Variants in CSMD1 observed in about 807,000 individuals in gnomAD.
CSMD1 encodes CUB and sushi domain-containing protein 1.
A neutral mutation model predicts 417.5 loss-of-function variants in CSMD1; 213 were observed. That is an observed-to-expected ratio of 0.51 (90% CI 0.46 to 0.57). The LOEUF (loss-of-function observed/expected upper bound fraction) is 0.57, where lower values mean the gene tolerates loss of function less well. Among genes scored for constraint, CSMD1 ranks in the 20% least tolerant of loss-of-function variants. CSMD1 has a pLI of 0.00. For synonymous variants in CSMD1, 2,862 were observed against 1,736.8 expected (o/e 1.65, Z -16.11); for missense variants, 6,923 against 4,529.7 (o/e 1.53, Z -15.17).
At chr8:3,717,583 A>G (rs1173398544) in intron 6 of CSMD1, among the ~76,000 whole-genome samples, 3 of 152,202 alleles carry the variant, frequency 2.0e-5, no homozygotes, top group African/African-American at 7.2e-5. Context: ...TTAAATAATC[A>G]AGAAGAAAAT....
At chr8:3,093,437 C>T (rs1012171565) in intron 47 of CSMD1, among the ~76,000 whole-genome samples, 5 of 152,058 alleles carry the variant, frequency 3.3e-5, no homozygotes, top group East Asian at 1.9e-4. Flanking sequence ...GAGGTAGAGG[C>T]GAGTGGATCG....
chr8:4,785,451 G>T (rs1797355512), intron 1 of CSMD1, among the ~76,000 whole-genome samples: 1 of 152,114 alleles, frequency 6.6e-6, no homozygotes, highest in Non-Finnish European at 1.5e-5. Context: ...ATTAGCTCAT[G>T]CAGCCCTTTG....
intron 26 of CSMD1, among the ~76,000 whole-genome samples, chr8:3,245,957 T>C (rs1799854546): frequency 6.6e-6 from 1 of 152,212 alleles, no homozygotes; most frequent in African/African-American, 2.4e-5. Flanking sequence ...TTTATTTTTT[T>C]CTCTATTACT....
chr8:4,951,595 AAAAC>A (rs1808753404), intron 1 of CSMD1, among the ~76,000 whole-genome samples: 1 of 146,492 alleles, frequency 6.8e-6, no homozygotes, highest in Non-Finnish European at 1.5e-5. Context: ...AAAAAAAAGA[AAAAC>A]CTGCGGGGTT....
chr8:4,116,991 T>G (rs887802029), intron 3 of CSMD1, among the ~76,000 whole-genome samples: 1 of 152,042 alleles, frequency 6.6e-6, no homozygotes, highest in African/African-American at 2.4e-5. Flanking sequence ...GTGACTATCT[T>G]CAGTAAGATG....
chr8:4,658,624 A>G (rs1047656470), intron 1 of CSMD1, among the ~76,000 whole-genome samples: 5 of 152,162 alleles, frequency 3.3e-5, no homozygotes, highest in Admixed American at 6.5e-5. Flanking sequence ...GAGTATCCAC[A>G]ATGAAATAAA....
chr8:4,419,506 C>G (rs1162110716), intron 3 of CSMD1, among the ~76,000 whole-genome samples: 1 of 152,048 alleles, frequency 6.6e-6, no homozygotes, highest in Non-Finnish European at 1.5e-5. Flanking sequence ...ACAGTAAAAG[C>G]AAATTAATTT....
chr8:4,755,527 T>A (rs1291464221), intron 1 of CSMD1, among the ~76,000 whole-genome samples: 1 of 152,182 alleles, frequency 6.6e-6, no homozygotes. Flanking sequence ...CTTTCAACTC[T>A]GTCTTATACA....
At chr8:4,504,235 T>C (rs955584198) in intron 2 of CSMD1, among the ~76,000 whole-genome samples, 1 of 152,118 alleles carries the variant, frequency 6.6e-6, no homozygotes, top group African/African-American at 2.4e-5. Flanking sequence ...TTACAGAAAG[T>C]CAAATACCGT....
chr8:3,022,653 G>C (rs533372206), intron 51 of CSMD1, among the ~76,000 whole-genome samples: 3 of 148,514 alleles, frequency 2.0e-5, no homozygotes, highest in Admixed American at 6.7e-5. Flanking sequence ...AAACTCAAGA[G>C]TAGGTCTTTT....
At chr8:3,995,710 C>A (rs534478692) in intron 5 of CSMD1, among the ~76,000 whole-genome samples, 5 of 152,232 alleles carry the variant, frequency 3.3e-5, no homozygotes, top group Non-Finnish European at 5.9e-5. Flanking sequence ...GAATAATGAC[C>A]CCACAGGGCT....
At chr8:3,001,358 T>A (rs561518294) in intron 52 of CSMD1, among the ~76,000 whole-genome samples, 9 of 152,242 alleles carry the variant, frequency 5.9e-5, no homozygotes, top group African/African-American at 1.4e-4. Context: ...CTTCTTTCCT[T>A]TCCTCCAACT....
At chr8:3,095,694 T>C (rs1309272084) in intron 47 of CSMD1, among the ~76,000 whole-genome samples, 1 of 152,208 alleles carries the variant, frequency 6.6e-6, no homozygotes, top group Admixed American at 6.5e-5. Context: ...CTGAACTCAA[T>C]GACAAATCTT....
intron 3 of CSMD1, among the ~76,000 whole-genome samples, chr8:4,202,020 C>T (rs926924607): frequency 6.6e-6 from 1 of 151,988 alleles, no homozygotes; most frequent in Non-Finnish European, 1.5e-5. Flanking sequence ...TGAGAAGAAA[C>T]GAGGACATTG....
At chr8:4,262,612 G>A (rs1803965905) in intron 3 of CSMD1, among the ~76,000 whole-genome samples, 1 of 152,228 alleles carries the variant, frequency 6.6e-6, no homozygotes, top group Non-Finnish European at 1.5e-5. Context: ...GGACCCTGGA[G>A]CTTCAAACAG....
chr8:4,337,734 G>T (rs955460256), intron 3 of CSMD1, among the ~76,000 whole-genome samples: 2 of 152,256 alleles, frequency 1.3e-5, no homozygotes, highest in African/African-American at 4.8e-5. Context: ...CATTGACATA[G>T]AATGGATTAG....
At chr8:4,028,696 A>G (rs1797188897) in intron 4 of CSMD1, among the ~76,000 whole-genome samples, 1 of 152,332 alleles carries the variant, frequency 6.6e-6, no homozygotes, top group South Asian at 2.1e-4. Context: ...TTTGCAAATT[A>G]AAACTCTATT....
chr8:4,635,411 C>G (rs1802764007), intron 2 of CSMD1, among the ~76,000 whole-genome samples: 1 of 151,632 alleles, frequency 6.6e-6, no homozygotes, highest in Non-Finnish European at 1.5e-5. Context: ...ATAATAGTAC[C>G]ATAAGACCAT....
At chr8:2,994,542 G>T (rs1338846891) in intron 54 of CSMD1, among the ~76,000 whole-genome samples, 2 of 152,188 alleles carry the variant, frequency 1.3e-5, no homozygotes, top group African/African-American at 2.4e-5. Context: ...ATGTTTTACA[G>T]AGGAAAACGG....
Sources: gnomAD v4.1 joint callset for allele counts (sites outside exome capture counted in the v4.1 genomes callset) on GRCh38, gnomAD v4.1.1 for gene constraint, MANE v1.5 for transcripts, NCBI Gene and HGNC (gene_info 2026-07-23, HGNC 2026-07-21) for gene names.